Variants in PHF3 observed in about 807,000 individuals in gnomAD.
PHF3 encodes the protein PHD finger protein 3.
Under a neutral mutation model 178.4 loss-of-function variants are expected in PHF3, and 41 were observed. The observed-to-expected ratio is 0.23, with a 90% CI of 0.18 to 0.30. The LOEUF (loss-of-function observed/expected upper bound fraction) is 0.30, where lower values mean the gene tolerates loss of function less well. Among genes scored for constraint, PHF3 ranks in the 10% least tolerant of loss-of-function variants. PHF3 has a pLI of 1.00. For synonymous variants in PHF3, 842 were observed against 800.5 expected, an observed-to-expected ratio of 1.05 and a Z score of -0.88; for missense variants, 2,346 against 2,398.1, an observed-to-expected ratio of 0.98 and a Z score of 0.45.
In PHF3 at chr6:63,724,016, A is replaced by G. The variant is rs1422345845; in HGVS notation, c.*10308A>G. Among the ~76,000 whole-genome samples the G allele has an allele frequency of 6.6e-6, 1 of 152,066 alleles. No individual in the cohort carries two copies. The highest frequency in any genetic ancestry group is 1.5e-5 in the Non-Finnish European group (1 of 68,018). On this transcript the variant is annotated 3_prime_UTR_variant, in exon 16 of 16. Transcript: ENST00000262043. The stretch of plus-strand genomic sequence containing the variant: ...AGAGCGAGGTTTTACCATGTTGGCC[A>G]GGCTGGTCTTGACCTCCTGACTTCA...
Position 63,706,801 on chromosome 6 carries a change from T to C in PHF3, c.3636T>C (p.Phe1212=). ...LARLNFIWKG[F]INMPSVAKFV... ...GATTGAACTTCATCTGGAAAGGTTT[T>C]ATCAACATGCCTTCTGTGGCAAAAT... Residue 1212 remains phenylalanine, a synonymous_variant, in exon 13 of 16, where the codon TTT becomes TTC. Transcript: ENST00000262043. 1 of 1,614,088 alleles carries C rather than the reference T, an allele frequency of 6.2e-7. No individual in the cohort carries two copies. The highest frequency in any genetic ancestry group is 8.5e-7 in the Non-Finnish European group (1 of 1,179,936).
At chr6:63,708,108 C>G (rs1767773322) in intron 13 of PHF3, among the ~76,000 whole-genome samples, 1 of 152,116 alleles carries the variant, frequency 6.6e-6, no homozygotes, top group African/African-American at 2.4e-5. Context: ...CTCAAGTGAT[C>G]TGCTTGCCTC....
intron 4 of PHF3, among the ~76,000 whole-genome samples, chr6:63,688,549 G>C (rs1329960294): frequency 6.6e-6 from 1 of 151,162 alleles, no homozygotes; most frequent in Admixed American, 6.6e-5. Context: ...TGGCCAGGCT[G>C]GTCTCGAACT....
Position 63,713,431 on chromosome 6 carries a change from G to A in PHF3, c.5843G>A (p.Arg1948His), listed in dbSNP as rs371109942. Residue 1948 changes from arginine (R) to histidine (H), a missense_variant, in exon 16 of 16, where the codon CGC becomes CAC. Arg to His is a conservative substitution (Grantham distance 29). This residue lies in a region of PHF3 where 839 missense variants were observed against 806.9 expected (regional missense o/e 1.04). Coordinates refer to ENST00000262043, the MANE Select transcript of PHF3 (RefSeq NM_001370348.2). Reference protein sequence around the residue: ...EWEQESERHRRRDRSQDKDRD... With the variant: ...EWEQESERHRHRDRSQDKDRD... ...GAGCAAGAATCTGAAAGGCATAGAC[G>A]CAGAGACAGAAGCCAAGACAAGGAC... The A allele has an allele frequency of 8.7e-6, 14 of 1,613,922 alleles. No individual in the cohort carries two copies. The highest frequency in any genetic ancestry group is 4.4e-5 in the South Asian group (4 of 91,076).
intron 11 of PHF3, 81 bp downstream of exon 11, chr6:63,703,752 T>A: frequency 7.2e-7 from 1 of 1,380,796 alleles, no homozygotes; most frequent in Non-Finnish European, 9.9e-7. Flanking sequence ...GTAATTTAAG[T>A]AGGTTTTGTT....
Position 63,684,428 on chromosome 6 carries a change from T to C in PHF3, c.706T>C (p.Ser236Pro). 5 of 1,614,058 alleles carry C rather than the reference T, an allele frequency of 3.1e-6. No individual in the cohort carries two copies. Among genetic ancestry groups the C allele is most frequent in the Non-Finnish European group, 4.2e-6 (5 of 1,179,920 alleles). Residue 236 changes from serine to proline, a missense_variant, in exon 4 of 16, where the codon TCT (serine) becomes CCT (proline). Around this residue, in one of 8 missense-constraint regions of PHF3, gnomAD observed 843 missense variants for 795.2 expected, o/e 1.06. Coordinates refer to ENST00000262043, the MANE Select transcript of PHF3 (RefSeq NM_001370348.2). ...LEMKDEDGLD[S>P]KHKCNNPGEI... Reference sequence around the variant, plus strand: ...AATGAAGGATGAAGATGGATTAGATTCTAAGCATAAGTGTAATAATCCGGG... The same window carrying C: ...AATGAAGGATGAAGATGGATTAGATCCTAAGCATAAGTGTAATAATCCGGG...
At chr6:63,668,924 G>A (rs1765792165) in intron 2 of PHF3, among the ~76,000 whole-genome samples, 1 of 151,978 alleles carries the variant, frequency 6.6e-6, no homozygotes, top group Admixed American at 6.6e-5. Flanking sequence ...ATCAATTTCA[G>A]TATAAGATTT....
chr6:63,703,861 A>C (rs1414801518), intron 11 of PHF3, among the ~76,000 whole-genome samples, 190 bp downstream of exon 11: 1 of 152,164 alleles, frequency 6.6e-6, no homozygotes, highest in Non-Finnish European at 1.5e-5. Flanking sequence ...GGTATAGTCT[A>C]CTGTCTAGAC....
rs1768064014 is a variant in PHF3 at position 63,713,513 on chromosome 6, A to C, written c.5925A>C (p.Ser1975=). The C allele has an allele frequency of 6.2e-7, 1 of 1,613,720 alleles. No homozygotes were observed. The highest frequency in any genetic ancestry group is 1.7e-5 in the Admixed American group (1 of 59,932). Reference sequence around the variant, plus strand: ...AAGATAAAGAGAGGGCACGGTTATCACATGGTGATCGAGGAACAGATGGAA... The same window carrying C: ...AAGATAAAGAGAGGGCACGGTTATCCCATGGTGATCGAGGAACAGATGGAA... ...GHKDKERARL[S]HGDRGTDGKA... is the part of the protein sequence containing the mutation. Residue 1975 remains serine (S), a synonymous_variant, in exon 16 of 16, where the codon TCA becomes TCC. Coordinates refer to ENST00000262043, the MANE Select transcript of PHF3 (RefSeq NM_001370348.2).
chr6:63,652,295 A>T (rs1212828), intron 2 of PHF3, among the ~76,000 whole-genome samples: 88,287 of 152,086 alleles, frequency 0.58, 28,503 homozygotes, highest in African/African-American at 0.88. Flanking sequence ...TGATTAGTGA[A>T]GTTGAGCATT....
intron 4 of PHF3, 82 bp downstream of exon 4, chr6:63,685,993 T>G: frequency 1.1e-6 from 1 of 904,046 alleles, no homozygotes; most frequent in South Asian, 1.6e-5. Context: ...TGAGAATTGT[T>G]TTAAAGACAT....
chr6:63,648,593 T>G (rs993204876), intron 2 of PHF3, among the ~76,000 whole-genome samples: 5 of 152,224 alleles, frequency 3.3e-5, no homozygotes, highest in Non-Finnish European at 5.9e-5. Context: ...GTGAAAAATC[T>G]CTTCAGTTTT....
chr6:63,642,814 TTAAC>T (rs1278518646), intron 1 of PHF3, among the ~76,000 whole-genome samples: 1 of 152,188 alleles, frequency 6.6e-6, no homozygotes, highest in East Asian at 1.9e-4. Context: ...ATTTGTTTAA[TTAAC>T]AAAGATACTA....
In PHF3 at chr6:63,711,877, A is replaced by G; in HGVS notation, c.4289A>G (p.Glu1430Gly). 6.2e-7 allele frequency: 1 copy of G among 1,614,062 alleles called. No homozygotes were observed. The highest frequency in any genetic ancestry group is 8.5e-7 in the Non-Finnish European group (1 of 1,179,944). Residue 1430 changes from glutamate (E) to glycine (G), a missense_variant, in exon 16 of 16, where the codon GAA (glutamate) becomes GGA (glycine). Glu to Gly is a moderately conservative substitution (Grantham distance 98). This residue lies in a region of PHF3 where 839 missense variants were observed against 806.9 expected (regional missense o/e 1.04). Transcript: ENST00000262043. ...DLPTAVEPLM[E>G]VTKQEPPKPL... ...CCAACAGCAGTTGAACCTTTAATGG[A>G]AGTCACCAAACAGGAGCCACCAAAA...
At chr6:63,649,375 G>T (rs1176475290) in intron 2 of PHF3, among the ~76,000 whole-genome samples, 1 of 152,108 alleles carries the variant, frequency 6.6e-6, no homozygotes, top group African/African-American at 2.4e-5. Context: ...CTGGCACAAT[G>T]GGCTTTTACT....
At chr6:63,649,318 G>T (rs1342462698) in intron 2 of PHF3, among the ~76,000 whole-genome samples, 1 of 152,042 alleles carries the variant, frequency 6.6e-6, no homozygotes, top group Non-Finnish European at 1.5e-5. Flanking sequence ...AATAACTTCA[G>T]CTGTTTTTAA....
rs1049140099 is a variant in PHF3 at position 63,720,928 on chromosome 6, TATAGCTC to T, written c.*7225_*7231del. ...TTATTACAACAGAATGTGCCATTGT[TATAGCTC>T]ATAGGCACAGAGATTCTTTCTCCCA... On this transcript the variant is annotated 3_prime_UTR_variant, in exon 16 of 16. Transcript: ENST00000262043. 7.1e-6 allele frequency: 11 copies of T among 1,551,090 alleles called. No homozygotes were observed. Among genetic ancestry groups the T allele is most frequent in the African/African-American group, 1.4e-5 (1 of 73,018 alleles).
At chr6:63,695,901 C>CTA (rs1444440485) in intron 6 of PHF3, among the ~76,000 whole-genome samples, 2 of 152,102 alleles carry the variant, frequency 1.3e-5, no homozygotes, top group Admixed American at 6.6e-5. Context: ...TATGAGATTC[C>CTA]TATTAGACAT....
chr6:63,692,213 G>A (rs548419823), intron 5 of PHF3, among the ~76,000 whole-genome samples, 170 bp downstream of exon 5: 2 of 152,166 alleles, frequency 1.3e-5, no homozygotes, highest in South Asian at 4.1e-4. Flanking sequence ...GTCAGTCTTG[G>A]TGAAATCAGA....
Sources: gnomAD v4.1 joint callset for allele counts (sites outside exome capture counted in the v4.1 genomes callset) on GRCh38, gnomAD v4.1.1 for gene constraint, gnomAD v4.1.1 regional missense constraint, MANE v1.5 for transcripts, NCBI Gene and HGNC (gene_info 2026-07-23, HGNC 2026-07-21) for gene names.